Variants in GPC5 observed in about 807,000 individuals in gnomAD.
GPC5 encodes the protein glypican-5.
A neutral mutation model predicts 53.9 loss-of-function variants in GPC5; 47 were observed. The observed-to-expected ratio is 0.87, with a 90% CI of 0.69 to 1.11. The LOEUF is 1.11. Among genes scored for constraint, GPC5 ranks in the 50% most tolerant of loss-of-function variants. The pLI, the probability that GPC5 is intolerant of heterozygous loss-of-function variation, is 0.00. For missense variants in GPC5, 748 were observed against 713.1 expected, an observed-to-expected ratio of 1.05 and a Z score of -0.56; for synonymous variants, 286 against 263.3, an observed-to-expected ratio of 1.09 and a Z score of -0.84.
chr13:91,572,050 T>C lies in GPC5; in HGVS notation c.326-121137T>C, dbSNP rs1437375439. Among the ~76,000 whole-genome samples the C allele has an allele frequency of 1.5e-4, 7 of 46,480 alleles. 1 individual carries two copies. Among genetic ancestry groups the C allele is most frequent in the Admixed American group, 6.0e-4 (3 of 5,040 alleles). 30.5% of individuals were successfully genotyped at this position (46,480 alleles called of 152,430 possible). A position where few individuals can be genotyped will look rare whatever the true frequency, so the allele number is the denominator to read the frequency against. On this transcript the variant is annotated intron_variant, in intron 2 of 7. Coordinates refer to ENST00000377067, the MANE Select transcript of GPC5 (RefSeq NM_004466.6). The stretch of plus-strand genomic sequence containing the variant: ...GTGTATATATGTGTATATACACACA[T>C]ATGTATATATACATGTATATACACA...
intron 6 of GPC5, among the ~76,000 whole-genome samples, chr13:91,951,264 AGAG>A (rs1566359591): frequency 6.6e-6 from 1 of 152,178 alleles, no homozygotes; most frequent in East Asian, 1.9e-4. Context: ...GTTTTCTATC[AGAG>A]ATGTTATAAA....
chr13:92,610,841 A>G (rs977774362), intron 7 of GPC5, among the ~76,000 whole-genome samples: 1 of 151,582 alleles, frequency 6.6e-6, no homozygotes, highest in Non-Finnish European at 1.5e-5. Flanking sequence ...ACTCACTATC[A>G]CCCCCATGAT....
rs2139810262 is a variant in GPC5 at position 91,693,391 on chromosome 13, A to G, written c.530A>G (p.His177Arg). Residue 177 changes from histidine (H) to arginine (R), a missense_variant, in exon 3 of 8, where the codon CAC (histidine) becomes CGC (arginine). By Grantham distance (29) the His-to-Arg change is conservative (BLOSUM62 0). Coordinates refer to ENST00000377067, the MANE Select transcript of GPC5 (RefSeq NM_004466.6). ...FDSLFPLVYN[H>R]LINPGVTDSS... is the part of the protein sequence containing the mutation. ...AGTCTTTTTCCTCTGGTCTACAACC[A>G]CCTCATTAACCCTGGTGTGACTGAC... The G allele has an allele frequency of 6.2e-7, 1 of 1,614,066 alleles. No homozygotes were observed. Among genetic ancestry groups the G allele is most frequent in the Non-Finnish European group, 8.5e-7 (1 of 1,179,996 alleles).
chr13:91,560,064 G>A (rs1486976113), intron 2 of GPC5, among the ~76,000 whole-genome samples: 1 of 150,322 alleles, frequency 6.7e-6, no homozygotes, highest in Non-Finnish European at 1.5e-5. Flanking sequence ...GATATAGGAT[G>A]TTATCTTGTG....
At chr13:92,187,188 G>A (rs2042190446) in intron 7 of GPC5, among the ~76,000 whole-genome samples, 1 of 152,004 alleles carries the variant, frequency 6.6e-6, no homozygotes, top group African/African-American at 2.4e-5. Flanking sequence ...GTATTTACAC[G>A]CATAAGTCAG....
intron 7 of GPC5, among the ~76,000 whole-genome samples, chr13:92,191,493 T>A (rs2042222365): frequency 6.6e-6 from 1 of 152,138 alleles, no homozygotes; most frequent in Admixed American, 6.5e-5. Flanking sequence ...TTAAACATAC[T>A]CTTACCATAT....
intron 5 of GPC5, among the ~76,000 whole-genome samples, chr13:91,855,556 C>T (rs1021679065): frequency 6.6e-6 from 1 of 151,452 alleles, no homozygotes; most frequent in African/African-American, 2.4e-5. Flanking sequence ...GCAAAATTGG[C>T]GATATTCTCT....
Position 92,551,260 on chromosome 13 carries a change from G to T in GPC5, c.1562-315022G>T, listed in dbSNP as rs146963767. ...CTCCCTCACCTAAACTATGACAATTGCCATAGACACTGGTAATCTAAAACC... is the reference window on the plus strand; with the variant it reads ...CTCCCTCACCTAAACTATGACAATTTCCATAGACACTGGTAATCTAAAACC... On this transcript the variant is annotated intron_variant, in intron 7 of 7. Transcript: ENST00000377067. 2.7e-5 allele frequency among the ~76,000 whole-genome samples: 4 copies of T among 150,636 alleles called. No individual in the cohort carries two copies. The East Asian group carries it at 7.8e-4, about 29-fold the overall frequency.
At chr13:91,962,226 T>C (rs2040132890) in intron 6 of GPC5, among the ~76,000 whole-genome samples, 1 of 152,134 alleles carries the variant, frequency 6.6e-6, no homozygotes, top group African/African-American at 2.4e-5. Flanking sequence ...CTGGGTGGCA[T>C]GGCAGTGTTA....
intron 7 of GPC5, among the ~76,000 whole-genome samples, chr13:92,606,910 G>A (rs1486933328): frequency 6.6e-6 from 1 of 151,988 alleles, no homozygotes; most frequent in African/African-American, 2.4e-5. Context: ...TACTCCACAT[G>A]CGCTTTGCCC....
intron 7 of GPC5, among the ~76,000 whole-genome samples, chr13:92,752,930 C>A (rs1874650820): frequency 1.3e-5 from 2 of 152,210 alleles, no homozygotes; most frequent in African/African-American, 4.8e-5. Context: ...CATACCATTG[C>A]CCAGGCTTGC....
chr13:92,704,163 A>G (rs1270647006), intron 7 of GPC5, among the ~76,000 whole-genome samples: 1 of 152,076 alleles, frequency 6.6e-6, no homozygotes, highest in Non-Finnish European at 1.5e-5. Flanking sequence ...CAAGAGAACA[A>G]TGCTTTGCTT....
chr13:92,526,178 T>C (rs961755375), intron 7 of GPC5, among the ~76,000 whole-genome samples: 1 of 152,136 alleles, frequency 6.6e-6, no homozygotes, highest in African/African-American at 2.4e-5. Context: ...TGTTCCACAG[T>C]ATGGAATTAT....
chr13:92,305,456 C>T (rs762562200), intron 7 of GPC5, among the ~76,000 whole-genome samples: 61 of 151,802 alleles, frequency 4.0e-4, no homozygotes, highest in Non-Finnish European at 6.5e-4. Context: ...AGCCTCTACC[C>T]TTTTTTTTAA....
At chr13:92,793,761 T>C (rs1477622475) in intron 7 of GPC5, among the ~76,000 whole-genome samples, 3 of 152,052 alleles carry the variant, frequency 2.0e-5, no homozygotes, top group Admixed American at 6.6e-5. Flanking sequence ...AACACCTCTA[T>C]GTAAATAAAC....
chr13:91,845,132 G>A (rs2038833480), intron 5 of GPC5, among the ~76,000 whole-genome samples: 1 of 152,028 alleles, frequency 6.6e-6, no homozygotes, highest in Non-Finnish European at 1.5e-5. Context: ...TAAGCTCATG[G>A]ATTCCTTTTT....
At chr13:91,764,499 T>C (rs2037482335) in intron 5 of GPC5, among the ~76,000 whole-genome samples, 1 of 152,098 alleles carries the variant, frequency 6.6e-6, no homozygotes, top group South Asian at 2.1e-4. Flanking sequence ...CATGGCCAGC[T>C]GTCAGAATTT....
chr13:92,176,631 C>T (rs1276604494), intron 7 of GPC5, among the ~76,000 whole-genome samples: 1 of 152,158 alleles, frequency 6.6e-6, no homozygotes, highest in Non-Finnish European at 1.5e-5. Flanking sequence ...TCTAAGACCT[C>T]CCTTTCCGTT....
At chr13:91,978,845 A>T (rs956187389) in intron 6 of GPC5, among the ~76,000 whole-genome samples, 2 of 152,232 alleles carry the variant, frequency 1.3e-5, no homozygotes, top group Non-Finnish European at 2.9e-5. Context: ...TCCAGGTGAG[A>T]TATGATAATG....
Sources: allele counts gnomAD v4.1 joint callset (sites outside exome capture counted in the v4.1 genomes callset), GRCh38; gene constraint gnomAD v4.1.1; transcripts MANE v1.5; gene names NCBI Gene and HGNC (gene_info 2026-07-23, HGNC 2026-07-21).